The following PCDHGB5 variants were observed in gnomAD, a reference collection of about 807,000 sequenced individuals.
PCDHGB5 encodes protocadherin gamma subfamily B, 5.
PCDHGB5 carries 48 observed loss-of-function variants against 62.9 expected under a neutral mutation model. The observed-to-expected ratio is 0.76, with a 90% CI of 0.61 to 0.97. The LOEUF is 0.97. PCDHGB5 is among the 50% of genes least tolerant of loss of function. The pLI is 0.00. For missense variants in PCDHGB5, 1,118 were observed against 1,198.6 expected, an observed-to-expected ratio of 0.93 and a Z score of 0.99; for synonymous variants, 474 against 511.2, an observed-to-expected ratio of 0.93 and a Z score of 0.98.
rs539719239 is a variant in PCDHGB5, at chr5:141,431,888, G to A, written c.2397+31364G>A. The A allele has an allele frequency of 6.2e-7, 1 of 1,614,200 alleles. No homozygotes were observed. The highest frequency in any genetic ancestry group is 1.7e-5 in the Admixed American group (1 of 60,036). On this transcript the variant is annotated intron_variant, in intron 1 of 3. Coordinates refer to ENST00000617380, the MANE Select transcript of PCDHGB5 (RefSeq NM_018925.3). The surrounding 1 kb of genome is among the most constrained non-coding windows in gnomAD (Gnocchi z 4.8). ...TTTAAATGTAAATGACCAAGATTCT[G>A]AGGAAAACGGACAGGTGATCTGTTT... is the stretch of plus-strand genomic sequence containing the variant.
rs758993148 is a variant in PCDHGB5 at position 141,430,863 on chromosome 5, T to C, written c.2397+30339T>C. On this transcript the variant is annotated intron_variant, in intron 1 of 3. Transcript: ENST00000617380. Reference sequence around the variant, plus strand: ...GGATGCACCCAGATACGCTATTCAGTTCCGGAAGAGCTGGAGAAAGGCTCT... The same window carrying C: ...GGATGCACCCAGATACGCTATTCAGCTCCGGAAGAGCTGGAGAAAGGCTCT... 8 of 1,594,990 alleles carry C rather than the reference T, an allele frequency of 5.0e-6. No individual in the cohort carries two copies. In the South Asian group the frequency reaches 8.0e-5, roughly 16 times the overall value.
chr5:141,420,465 A>G, intron 1 of PCDHGB5: 1 of 807,604 alleles, frequency 1.2e-6, no homozygotes. Context: ...ATTCAAAGAC[A>G]TTTTAAAGCA....
chr5:141,428,025 G>C, intron 1 of PCDHGB5: 1 of 1,606,426 alleles, frequency 6.2e-7, no homozygotes, highest in Non-Finnish European at 8.5e-7. Flanking sequence ...ACGCGCCGCA[G>C]AGTCCGGCTA....
At chr5:141,415,473 C>T in intron 1 of PCDHGB5, 2 of 1,614,224 alleles carry the variant, frequency 1.2e-6, no homozygotes, top group Non-Finnish European at 1.7e-6. Flanking sequence ...TCACCGCGGA[C>T]TCGCGAAAGA....
intron 3 of PCDHGB5, 86 bp downstream of exon 3, chr5:141,505,567 T>C: frequency 6.3e-7 from 1 of 1,599,440 alleles, no homozygotes; most frequent in South Asian, 1.1e-5. Flanking sequence ...ACGGACTGGA[T>C]GTCAAACCTG....
At chr5:141,404,248 G>C (rs1404333144) in intron 1 of PCDHGB5, 10 of 1,613,694 alleles carry the variant, frequency 6.2e-6, no homozygotes, top group South Asian at 1.1e-5. Context: ...CTCCGCCCCT[G>C]TCCACAGAAA....
rs769153122 is a variant in PCDHGB5 at position 141,485,243 on chromosome 5, C to T, written c.2398-9564C>T. 8 of 1,614,062 alleles carry T rather than the reference C, an allele frequency of 5.0e-6. No homozygotes were observed. In the Admixed American group the frequency reaches 1.2e-4, roughly 24 times the overall value. ...TACCCTTTTGTTCCTCTTTTACCACCTGGGTTACGTTTGTGGGCAGATCCG... is the reference window on the plus strand; with the variant it reads ...TACCCTTTTGTTCCTCTTTTACCACTTGGGTTACGTTTGTGGGCAGATCCG... On this transcript the variant is annotated intron_variant, in intron 1 of 3. Transcript: ENST00000617380. The surrounding 1 kb of genome is among the most constrained non-coding windows in gnomAD (Gnocchi z 5.7).
Position 141,414,170 on chromosome 5 carries a change from T to C in PCDHGB5, c.2397+13646T>C, listed in dbSNP as rs1411353386. The C allele has an allele frequency of 6.2e-7, 1 of 1,606,208 alleles. No homozygotes were observed. The highest frequency in any genetic ancestry group is 1.7e-5 in the Admixed American group (1 of 58,580). The stretch of plus-strand genomic sequence containing the variant: ...CAAGCAGAAGATGGAGGAGCATATC[T>C]TGCAACTGCAAAAGTGTTGATTACA... On this transcript the variant is annotated intron_variant, in intron 1 of 3. Coordinates refer to ENST00000617380, the MANE Select transcript of PCDHGB5 (RefSeq NM_018925.3).
At chr5:141,456,504 T>G (rs781368588) in intron 1 of PCDHGB5, among the ~76,000 whole-genome samples, 1 of 152,148 alleles carries the variant, frequency 6.6e-6, no homozygotes, top group Non-Finnish European at 1.5e-5. Context: ...GGTTAACCAA[T>G]TCCATAAAGA....
chr5:141,413,461 C>T, intron 1 of PCDHGB5: 2 of 1,614,082 alleles, frequency 1.2e-6, no homozygotes, highest in Non-Finnish European at 1.7e-6. Context: ...CAGGATAGAC[C>T]GGGAGGAGCT....
intron 1 of PCDHGB5, chr5:141,417,834 G>A (rs1382990900): frequency 2.0e-6 from 3 of 1,530,144 alleles, no homozygotes; most frequent in Middle Eastern, 3.5e-4. Context: ...GGAAAAGCGG[G>A]GACCCAGCGA....
At position 141,433,142 on chromosome 5, in the gene PCDHGB5, G is replaced by T. The variant is rs2097571106; in HGVS notation, c.2397+32618G>T. On this transcript the variant is annotated intron_variant, in intron 1 of 3. Coordinates refer to ENST00000617380, the MANE Select transcript of PCDHGB5 (RefSeq NM_018925.3). ...AAAAAGCGAGCCCCTTTTGCTGTCA[G>T]GTGATTCGGTATTTTCTAAAGACAG... The T allele has an allele frequency of 4.7e-5, 76 of 1,613,992 alleles. No homozygotes were observed. Among genetic ancestry groups the T allele is most frequent in the Non-Finnish European group, 6.4e-5 (76 of 1,180,016 alleles).
intron 1 of PCDHGB5, among the ~76,000 whole-genome samples, chr5:141,456,866 G>A (rs2098893781): frequency 6.6e-6 from 1 of 152,170 alleles, no homozygotes; most frequent in African/African-American, 2.4e-5. Flanking sequence ...GGGAGGCTGA[G>A]GCAGGAGAAT....
chr5:141,419,735 G>A (rs1013306543), intron 1 of PCDHGB5: 4 of 1,613,806 alleles, frequency 2.5e-6, no homozygotes, highest in Non-Finnish European at 3.4e-6. Flanking sequence ...AACAGGCGAG[G>A]TGCGCATGGT....
chr5:141,399,372 T>C lies in PCDHGB5; in HGVS notation c.1245T>C (p.Asn415=), dbSNP rs1333971188. The part of the protein sequence containing the change: ...TLDREQTPEY[N]VTITATDRGK... ...ACCGAGAGCAAACCCCGGAGTACAA[T>C]GTCACCATCACAGCCACAGACAGGG... The change falls in exon 1 of 4, where the codon AAT becomes AAC. Residue 415 remains asparagine, a synonymous_variant. Coordinates refer to ENST00000617380, the MANE Select transcript of PCDHGB5 (RefSeq NM_018925.3). The C allele has an allele frequency of 5.0e-6, 8 of 1,613,970 alleles. No individual in the cohort carries two copies. Among genetic ancestry groups the C allele is most frequent in the Non-Finnish European group, 6.8e-6 (8 of 1,179,880 alleles).
chr5:141,478,382 C>A (rs1287807889), intron 1 of PCDHGB5: 2 of 1,613,552 alleles, frequency 1.2e-6, no homozygotes, highest in South Asian at 2.2e-5. Flanking sequence ...GTCGCCGCAC[C>A]TTTACCATCA....
rs376773009 is a variant in PCDHGB5, at chr5:141,511,838, C to T, written c.*665C>T. 64 of 156,854 alleles carry T rather than the reference C, an allele frequency of 4.1e-4. No homozygotes were observed. Among genetic ancestry groups the T allele is most frequent in the Non-Finnish European group, 6.8e-4 (48 of 70,726 alleles). The allele number at this position is 156,854 out of a possible 1,614,324, so 9.7% of individuals were successfully genotyped here. A position where few individuals can be genotyped will look rare whatever the true frequency, so the allele number is the denominator to read the frequency against. ...TCTTCCCAACGCCCTGGGGACCAGTCTTCTGTTTTGTTTTTCATTGTTTGA... is the reference window on the plus strand; with the variant it reads ...TCTTCCCAACGCCCTGGGGACCAGTTTTCTGTTTTGTTTTTCATTGTTTGA... On this transcript the variant is annotated 3_prime_UTR_variant, in exon 4 of 4. Transcript: ENST00000617380.
intron 1 of PCDHGB5, among the ~76,000 whole-genome samples, chr5:141,449,636 TA>T (rs1448731592): frequency 7.3e-5 from 11 of 150,610 alleles, no homozygotes; most frequent in Non-Finnish European, 1.2e-4. Flanking sequence ...AAGATGTATC[TA>T]TATATACATA....
intron 1 of PCDHGB5, chr5:141,420,314 A>G (rs1454977890): frequency 6.9e-7 from 1 of 1,442,692 alleles, no homozygotes; most frequent in African/African-American, 1.4e-5. Flanking sequence ...TTTATATTAC[A>G]ATATGCCAAT....
Sources: gnomAD v4.1 joint callset for allele counts (sites outside exome capture counted in the v4.1 genomes callset) on GRCh38, gnomAD v4.1.1 for gene constraint, Gnocchi (gnomAD v3.1) non-coding constraint, MANE v1.5 for transcripts, NCBI Gene and HGNC (gene_info 2026-07-23, HGNC 2026-07-21) for gene names.